DNAH14: variants seen among roughly 807,000 people sequenced by gnomAD.
The protein encoded by DNAH14 is dynein axonemal heavy chain 14.
DNAH14 carries 478 observed loss-of-function variants against 520.9 expected under a neutral mutation model. The observed-to-expected ratio is 0.92, with a 90% CI of 0.85 to 0.99. DNAH14 has a LOEUF of 0.99. Ranked by LOEUF, DNAH14 falls within the 50% of genes least tolerant of loss-of-function variation. DNAH14 has a pLI of 0.00. For missense variants in DNAH14, 4,831 were observed against 5,234.5 expected (o/e 0.92, Z 2.38); for synonymous variants, 1,581 against 1,757.2 (o/e 0.90, Z 2.51).
At chr1:225,062,230 A>C (rs990459523) in intron 17 of DNAH14, among the ~76,000 whole-genome samples, 1 of 152,220 alleles carries the variant, frequency 6.6e-6, no homozygotes, top group South Asian at 2.1e-4. Flanking sequence ...GATCCCAGGA[A>C]GTTGAGGCTG....
chr1:225,342,305 T>G (rs2095203352), intron 69 of DNAH14, among the ~76,000 whole-genome samples: 2 of 152,042 alleles, frequency 1.3e-5, no homozygotes, highest in Admixed American at 6.6e-5. Context: ...ATTTCAAACA[T>G]AAAAGAACCC....
intron 42 of DNAH14, among the ~76,000 whole-genome samples, chr1:225,239,055 C>T (rs1457962615): frequency 1.3e-5 from 2 of 152,156 alleles, no homozygotes; most frequent in Admixed American, 1.3e-4. Context: ...CAGCCTCCAG[C>T]CTATTGCCAG....
chr1:225,389,892 G>T lies in DNAH14; in HGVS notation c.13330+19G>T, dbSNP rs758576662. 5.2e-6 allele frequency: 8 copies of T among 1,550,560 alleles called. No individual in the cohort carries two copies. The African/African-American group carries it at 1.1e-4, about 21-fold the overall frequency. ...CCACAAGGTGAGCATTAGAACCAAG[G>T]TCAGCTCCAGACCTGGCCCAGGCAA... On this transcript the variant is annotated intron_variant, in intron 83 of 85. Transcript: ENST00000682510.
Position 225,379,978 on chromosome 1 carries a change from C to T in DNAH14, c.12717-181C>T, listed in dbSNP as rs540383312. ...CTTTGTGTTGGGAACTTTCAGTATC[C>T]TCTCTTCTAGCTATTTGAAGATGTA... On this transcript the variant is annotated intron_variant, in intron 79 of 85. Transcript: ENST00000682510. Among the ~76,000 whole-genome samples the T allele has an allele frequency of 1.4e-4, 21 of 152,248 alleles. No individual in the cohort carries two copies. The East Asian group carries it at 2.5e-3, about 18-fold the overall frequency.
At chr1:225,115,695 A>C (rs2148847964) in intron 23 of DNAH14, among the ~76,000 whole-genome samples, 1 of 152,346 alleles carries the variant, frequency 6.6e-6, no homozygotes, top group South Asian at 2.1e-4. Context: ...CGGTTTACCA[A>C]GTCATCGTTG....
intron 25 of DNAH14, chr1:225,118,245 T>C: frequency 1.9e-6 from 1 of 522,686 alleles, no homozygotes; most frequent in South Asian, 2.4e-5. Context: ...CACTTACATT[T>C]TGTTCTGTCA....
At chr1:225,063,462 T>G (rs1045277925) in intron 17 of DNAH14, among the ~76,000 whole-genome samples, 2 of 152,110 alleles carry the variant, frequency 1.3e-5, no homozygotes, top group African/African-American at 4.8e-5. Flanking sequence ...AATCTATGGA[T>G]GCGAAAGCCA....
intron 7 of DNAH14, among the ~76,000 whole-genome samples, chr1:224,971,957 A>G (rs2061525075): frequency 6.6e-6 from 1 of 152,208 alleles, no homozygotes; most frequent in Admixed American, 6.5e-5. Context: ...TGGATTATCA[A>G]TTTAAGATAT....
chr1:225,011,881 C>T (rs757422483), intron 10 of DNAH14, among the ~76,000 whole-genome samples: 28 of 149,000 alleles, frequency 1.9e-4, no homozygotes, highest in South Asian at 4.3e-4. Flanking sequence ...TACAGCACAC[C>T]GATGGATCTT....
intron 8 of DNAH14, among the ~76,000 whole-genome samples, chr1:224,976,462 G>A (rs915347620): frequency 2.6e-5 from 4 of 152,052 alleles, no homozygotes; most frequent in South Asian, 2.1e-4. Context: ...AAAAGTAATG[G>A]CAACGAAAGC....
At chr1:225,370,079 C>T (rs564805955) in intron 77 of DNAH14, among the ~76,000 whole-genome samples, 4 of 152,030 alleles carry the variant, frequency 2.6e-5, no homozygotes, top group South Asian at 4.1e-4. Context: ...CACCTAAGGT[C>T]GGGAGTTAGA....
At chr1:224,960,380 T>A in intron 4 of DNAH14, 78 bp downstream of exon 4, 6 of 1,364,944 alleles carry the variant, frequency 4.4e-6, no homozygotes, top group Non-Finnish European at 5.8e-6. Flanking sequence ...GTGCTTATAT[T>A]GGACACTGAC....
intron 31 of DNAH14, among the ~76,000 whole-genome samples, chr1:225,148,772 G>T (rs1355586246): frequency 6.6e-6 from 1 of 151,928 alleles, no homozygotes; most frequent in African/African-American, 2.4e-5. Flanking sequence ...CATGTCCTTT[G>T]CCCACTTTTT....
rs1338466814 is a variant in DNAH14, at chr1:225,167,921, G to C, written c.5446-18G>C. 1 of 1,371,396 alleles carries C rather than the reference G, an allele frequency of 7.3e-7. No homozygotes were observed. Among genetic ancestry groups the C allele is most frequent in the Non-Finnish European group, 9.8e-7 (1 of 1,018,996 alleles). 85.0% of individuals were successfully genotyped at this position (1,371,396 alleles called of 1,614,324 possible). On this transcript the variant is annotated intron_variant, in intron 35 of 85. Coordinates refer to ENST00000682510, the MANE Select transcript of DNAH14 (RefSeq NM_001367479.1). The stretch of plus-strand genomic sequence containing the variant: ...CATTTGCAATGCATTTTAAATTTAT[G>C]TATTTATTTCCTTTTAGAAAGTAAT...
intron 17 of DNAH14, among the ~76,000 whole-genome samples, chr1:225,058,617 G>A (rs1430784840): frequency 6.6e-6 from 1 of 152,132 alleles, no homozygotes; most frequent in Non-Finnish European, 1.5e-5. Context: ...TTTTAATTGT[G>A]ATGTTAGGGT....
rs1020946602 is a variant in DNAH14, at chr1:224,929,894, C to T, written c.-34+59C>T. 4 of 609,414 alleles carry T rather than the reference C, an allele frequency of 6.6e-6. No individual in the cohort carries two copies. In the African/African-American group the frequency reaches 7.7e-5, roughly 12 times the overall value. 37.8% of individuals were successfully genotyped at this position (609,414 alleles called of 1,614,324 possible). The stretch of plus-strand genomic sequence containing the variant: ...GCAGAGCCTCGGCGGGCGGGCGGCG[C>T]GTGGGGCAGCCGGTGTCGCACTGGG... On this transcript the variant is annotated intron_variant, in intron 1 of 85. Coordinates refer to ENST00000682510, the MANE Select transcript of DNAH14 (RefSeq NM_001367479.1).
chr1:225,161,196 C>T (rs546058916), intron 35 of DNAH14, among the ~76,000 whole-genome samples: 6 of 152,226 alleles, frequency 3.9e-5, no homozygotes, highest in African/African-American at 1.2e-4. Flanking sequence ...CTCTGGTAAC[C>T]GTCCTTCTAC....
At chr1:225,097,880 T>G (rs753244870) in intron 22 of DNAH14, among the ~76,000 whole-genome samples, 3 of 152,158 alleles carry the variant, frequency 2.0e-5, no homozygotes, top group African/African-American at 7.2e-5. Flanking sequence ...AATAAACATG[T>G]TTTTAGTAGC....
chr1:225,260,065 T>C (rs1435745022), intron 46 of DNAH14, among the ~76,000 whole-genome samples: 2 of 151,998 alleles, frequency 1.3e-5, no homozygotes, highest in African/African-American at 4.8e-5. Context: ...TAAAAATCCA[T>C]TCAGGCTGGG....
Sources: gnomAD v4.1 joint callset for allele counts (sites outside exome capture counted in the v4.1 genomes callset) on GRCh38, gnomAD v4.1.1 for gene constraint, MANE v1.5 for transcripts, NCBI Gene and HGNC (gene_info 2026-07-23, HGNC 2026-07-21) for gene names.